NLGN4Y: variants seen among roughly 807,000 people sequenced by gnomAD.
NLGN4Y encodes neuroligin-4, Y-linked.
NLGN4Y carries 4 observed loss-of-function variants against 8.4 expected under a neutral mutation model. The observed-to-expected ratio is 0.48, with a 90% CI of 0.23 to 1.09. The LOEUF (loss-of-function observed/expected upper bound fraction) is 1.09. Ranked by LOEUF, NLGN4Y falls within the 50% of genes least tolerant of loss-of-function variation. The pLI, the probability that NLGN4Y is intolerant of heterozygous loss-of-function variation, is 0.19. For missense variants in NLGN4Y, 90 were observed against 192.3 expected (o/e 0.47, Z 3.15); for synonymous variants, 35 against 75.6 (o/e 0.46, Z 2.78).
intron 1 of NLGN4Y, among the ~76,000 whole-genome samples, chrY:14,531,909 A>G: frequency 6.3e-5 from 2 of 31,892 alleles, no homozygotes; most frequent in Non-Finnish European, 1.5e-4. Context: ...CATTTTCCAA[A>G]AGAAACTGTG....
chrY:14,561,358 G>A (rs2080226419), intron 1 of NLGN4Y, among the ~76,000 whole-genome samples: 2 of 32,770 alleles, frequency 6.1e-5, no homozygotes, highest in South Asian at 1.4e-3. Flanking sequence ...GTGATAGTTT[G>A]CTGAGAATGA....
At chrY:14,693,390 G>C (rs2080817564) in intron 2 of NLGN4Y, among the ~76,000 whole-genome samples, 2 of 32,863 alleles carry the variant, frequency 6.1e-5, no homozygotes, top group African/African-American at 2.4e-4. Context: ...AATTACTCTA[G>C]AGAGCCATGT....
At chrY:14,683,877 G>T (rs2080778897) in intron 2 of NLGN4Y, among the ~76,000 whole-genome samples, 1 of 33,770 alleles carries the variant, frequency 3.0e-5, no homozygotes, top group African/African-American at 1.1e-4. Flanking sequence ...TGCCAGTGTG[G>T]CTGATTTTGA....
chrY:14,561,083 C>T, intron 1 of NLGN4Y, among the ~76,000 whole-genome samples: 3 of 32,773 alleles, frequency 9.2e-5, no homozygotes, highest in African/African-American at 2.4e-4. Context: ...CATAGTTTCT[C>T]TTCTATATTT....
chrY:14,838,289 T>A, intron 6 of NLGN4Y, among the ~76,000 whole-genome samples: 1 of 33,133 alleles, frequency 3.0e-5, no homozygotes, highest in Non-Finnish European at 7.5e-5. Flanking sequence ...TTATGTGATT[T>A]TATATATATA....
intron 4 of NLGN4Y, among the ~76,000 whole-genome samples, chrY:14,820,778 T>C (rs2043119618): frequency 3.0e-5 from 1 of 33,114 alleles, no homozygotes; most frequent in Non-Finnish European, 7.5e-5. Flanking sequence ...ATAGATAGGA[T>C]AGATGGGCGA....
chrY:14,625,856 G>A, intron 2 of NLGN4Y, among the ~76,000 whole-genome samples: 1 of 33,124 alleles, frequency 3.0e-5, no homozygotes, highest in Admixed American at 2.7e-4. Context: ...AAAAAGTAAC[G>A]GAAAAATAAA....
chrY:14,642,297 C>G, intron 2 of NLGN4Y, among the ~76,000 whole-genome samples: 1 of 33,553 alleles, frequency 3.0e-5, no homozygotes. Flanking sequence ...TCCCAATAAG[C>G]AAAAACTGTG....
At chrY:14,683,914 G>A in intron 2 of NLGN4Y, among the ~76,000 whole-genome samples, 1 of 33,594 alleles carries the variant, frequency 3.0e-5, no homozygotes, top group African/African-American at 1.2e-4. Context: ...CCAGTGTAGG[G>A]AGCTATTTAT....
chrY:14,595,317 G>A (rs777237532), intron 1 of NLGN4Y, among the ~76,000 whole-genome samples: 1 of 32,654 alleles, frequency 3.1e-5, no homozygotes, highest in South Asian at 7.2e-4. Context: ...ATTAGAGGAG[G>A]AGTATCAATA....
chrY:14,623,329 G>T (rs889086354), intron 2 of NLGN4Y, among the ~76,000 whole-genome samples: 4 of 33,970 alleles, frequency 1.2e-4, no homozygotes, highest in Admixed American at 5.4e-4. Context: ...AACATGAATA[G>T]TTTTATGTCT....
At chrY:14,693,934 C>T in intron 2 of NLGN4Y, among the ~76,000 whole-genome samples, 1 of 31,903 alleles carries the variant, frequency 3.1e-5, no homozygotes, top group Admixed American at 2.9e-4. Context: ...AAACATGTTG[C>T]ATGTATTAAA....
chrY:14,737,128 T>C (rs2080993800), intron 4 of NLGN4Y, among the ~76,000 whole-genome samples: 1 of 33,426 alleles, frequency 3.0e-5, no homozygotes, highest in Non-Finnish European at 7.4e-5. Flanking sequence ...TGTTCCAGTT[T>C]TCAAATGGTA....
intron 4 of NLGN4Y, among the ~76,000 whole-genome samples, chrY:14,742,624 G>T: frequency 2.2e-4 from 7 of 32,445 alleles, no homozygotes; most frequent in Non-Finnish European, 4.5e-4. Flanking sequence ...GTGAAATACA[G>T]ATTATGTAAT....
intron 1 of NLGN4Y, among the ~76,000 whole-genome samples, chrY:14,586,112 G>A (rs2080339381): frequency 3.0e-5 from 1 of 33,073 alleles, no homozygotes; most frequent in Non-Finnish European, 7.4e-5. Flanking sequence ...TGGGCAGTGG[G>A]TGGAAATGAT....
chrY:14,565,813 G>A, intron 1 of NLGN4Y, among the ~76,000 whole-genome samples: 1 of 33,521 alleles, frequency 3.0e-5, no homozygotes, highest in East Asian at 7.8e-4. Context: ...CAGACTAACA[G>A]CAGATCTCTC....
At chrY:14,581,585 A>G in intron 1 of NLGN4Y, among the ~76,000 whole-genome samples, 1 of 33,044 alleles carries the variant, frequency 3.0e-5, no homozygotes, top group Admixed American at 2.8e-4. Context: ...ATTAAATATA[A>G]TTTTCTCAGT....
At chrY:14,820,536 C>T (rs1603504353) in intron 4 of NLGN4Y, among the ~76,000 whole-genome samples, 1 of 33,110 alleles carries the variant, frequency 3.0e-5, no homozygotes, top group Admixed American at 2.8e-4. Flanking sequence ...AATTCCAGAT[C>T]ATCCCCCTCC....
chrY:14,771,857 A>G, intron 4 of NLGN4Y, among the ~76,000 whole-genome samples: 7 of 33,400 alleles, frequency 2.1e-4, no homozygotes, highest in African/African-American at 8.2e-4. Context: ...GAGGAAACCA[A>G]TGAGAATGCT....
Sources: gnomAD v4.1 joint callset for allele counts (sites outside exome capture counted in the v4.1 genomes callset) on GRCh38, gnomAD v4.1.1 for gene constraint, MANE v1.5 for transcripts, NCBI Gene and HGNC (gene_info 2026-07-23, HGNC 2026-07-21) for gene names.